CRB1: variants seen among roughly 807,000 people sequenced by gnomAD.
CRB1 encodes the protein protein crumbs homolog 1.
In CRB1, 83 loss-of-function variants were observed where a neutral mutation model predicts 120.0. The ratio of observed to expected loss-of-function variants is 0.69; its 90% CI spans 0.58 to 0.83. The LOEUF is 0.83. Ranked by LOEUF, CRB1 falls within the 40% of genes least tolerant of loss-of-function variation. CRB1 has a pLI of 0.00. For synonymous variants in CRB1, 625 were observed against 612.5 expected (o/e 1.02, Z -0.30); for missense variants, 1,699 against 1,687.6 (o/e 1.01, Z -0.12).
Position 197,438,572 on chromosome 1 carries a change from T to G in CRB1, c.3775T>G (p.Cys1259Gly). The change falls in exon 10 of 12, where the codon TGT becomes GGT. Residue 1259 changes from cysteine to glycine, a missense_variant. Physicochemically the swap from Cys to Gly is radical, Grantham distance 159. Coordinates refer to ENST00000367400, the MANE Select transcript of CRB1 (RefSeq NM_201253.3). ...CRQSRLPSTVCGNEKTNLTCY... is the reference protein window; with the variant it reads ...CRQSRLPSTVGGNEKTNLTCY... Reference sequence around the variant, plus strand: ...ACAGAGCAGATTACCCTCAACAGTCTGTGGGAATGAGAAGACAAATCTCAC... The same window carrying G: ...ACAGAGCAGATTACCCTCAACAGTCGGTGGGAATGAGAAGACAAATCTCAC... 6.2e-7 allele frequency: 1 copy of G among 1,612,710 alleles called. No individual in the cohort carries two copies. The highest frequency in any genetic ancestry group is 8.5e-7 in the Non-Finnish European group (1 of 1,178,936).
intron 2 of CRB1, among the ~76,000 whole-genome samples, chr1:197,342,638 C>T (rs1659536125): frequency 6.6e-6 from 1 of 152,046 alleles, no homozygotes; most frequent in Non-Finnish European, 1.5e-5. Context: ...CCAGTAATGT[C>T]ATTTATATTT....
intron 5 of CRB1, among the ~76,000 whole-genome samples, chr1:197,384,068 G>C (rs1662090194): frequency 6.6e-6 from 1 of 152,130 alleles, no homozygotes; most frequent in African/African-American, 2.4e-5. Flanking sequence ...AGAAAAATTA[G>C]TTACCAACAT....
chr1:197,212,118 A>G, the CRB1 span, among the ~76,000 whole-genome samples: 1 of 152,228 alleles, frequency 6.6e-6, no homozygotes, highest in South Asian at 2.1e-4. Flanking sequence ...GTATAAAGAC[A>G]AACAATATCA....
chr1:197,215,300 G>C, the CRB1 span, among the ~76,000 whole-genome samples: 3 of 137,880 alleles, frequency 2.2e-5, no homozygotes, highest in East Asian at 6.4e-4. Context: ...TTTTTGAGAC[G>C]CAGTTTCACT....
chr1:197,405,442 G>C (rs970711750), intron 5 of CRB1, among the ~76,000 whole-genome samples: 2 of 151,862 alleles, frequency 1.3e-5, no homozygotes, highest in Non-Finnish European at 2.9e-5. Context: ...CCACCTCCCA[G>C]CCGCCTGCCT....
intron 4 of CRB1, among the ~76,000 whole-genome samples, chr1:197,355,880 C>T (rs1660451069): frequency 6.6e-6 from 1 of 152,260 alleles, no homozygotes; most frequent in Admixed American, 6.5e-5. Flanking sequence ...CAAGCGTGGC[C>T]AGAGTGGGTG....
intron 11 of CRB1, among the ~76,000 whole-genome samples, chr1:197,474,268 T>C (rs1170858425): frequency 6.6e-6 from 1 of 152,302 alleles, no homozygotes; most frequent in African/African-American, 2.4e-5. Flanking sequence ...TGAAAATGAG[T>C]TCCTAAGAGG....
chr1:197,404,616 T>C (rs746998129), intron 5 of CRB1, among the ~76,000 whole-genome samples: 4 of 152,234 alleles, frequency 2.6e-5, no homozygotes, highest in Non-Finnish European at 5.9e-5. Flanking sequence ...ATTTTATCTG[T>C]TACTATTGTG....
At chr1:197,466,015 G>A (rs1666735048) in intron 11 of CRB1, among the ~76,000 whole-genome samples, 1 of 152,146 alleles carries the variant, frequency 6.6e-6, no homozygotes, top group Non-Finnish European at 1.5e-5. Flanking sequence ...TCACTTACAT[G>A]AGGGGAAGCC....
chr1:197,338,774 T>C (rs558457045), intron 2 of CRB1, among the ~76,000 whole-genome samples: 3 of 152,136 alleles, frequency 2.0e-5, no homozygotes, highest in Non-Finnish European at 4.4e-5. Flanking sequence ...AATAGTTAAA[T>C]AAAATAATGA....
the CRB1 span, among the ~76,000 whole-genome samples, chr1:197,206,725 A>C: frequency 6.6e-6 from 1 of 152,126 alleles, no homozygotes; most frequent in Non-Finnish European, 1.5e-5. Flanking sequence ...GTTGGGTAGA[A>C]TGTTCTGTAA....
chr1:197,332,292 C>T (rs1392535166), intron 2 of CRB1, among the ~76,000 whole-genome samples: 1 of 152,134 alleles, frequency 6.6e-6, no homozygotes, highest in Non-Finnish European at 1.5e-5. Context: ...CTGTAGGGTC[C>T]AATGGGAATG....
chr1:197,433,575 T>TCTA (rs1236135726), intron 8 of CRB1, among the ~76,000 whole-genome samples: 3 of 152,010 alleles, frequency 2.0e-5, no homozygotes, highest in Non-Finnish European at 4.4e-5. Flanking sequence ...ATAAAATTAG[T>TCTA]AAGTTTTGCT....
chr1:197,239,643 T>C, the CRB1 span, among the ~76,000 whole-genome samples: 2 of 151,874 alleles, frequency 1.3e-5, no homozygotes, highest in African/African-American at 4.8e-5. Context: ...TTTGTAAATC[T>C]GTCTTTTAAT....
intron 11 of CRB1, among the ~76,000 whole-genome samples, chr1:197,455,632 G>A (rs1028175172): frequency 2.0e-5 from 3 of 152,074 alleles, no homozygotes; most frequent in Non-Finnish European, 2.9e-5. Flanking sequence ...GTAGAAGACT[G>A]TAGGAATTTA....
chr1:197,355,337 G>A (rs1228883313), intron 4 of CRB1, among the ~76,000 whole-genome samples: 2 of 152,230 alleles, frequency 1.3e-5, no homozygotes, highest in South Asian at 2.1e-4. Flanking sequence ...GCTTCAGCTA[G>A]TGGATCCCAC....
intron 2 of CRB1, among the ~76,000 whole-genome samples, chr1:197,336,585 A>G (rs1438194798): frequency 6.6e-6 from 1 of 152,216 alleles, no homozygotes; most frequent in African/African-American, 2.4e-5. Context: ...GTTTTTATGA[A>G]TAAATGAAGT....
chr1:197,424,350 A>C (rs1165350825), intron 6 of CRB1, among the ~76,000 whole-genome samples: 1 of 152,174 alleles, frequency 6.6e-6, no homozygotes, highest in African/African-American at 2.4e-5. Context: ...CATGCAAATA[A>C]AAATCTCAAC....
At chr1:197,410,265 A>G (rs1663636363) in intron 5 of CRB1, among the ~76,000 whole-genome samples, 2 of 152,222 alleles carry the variant, frequency 1.3e-5, no homozygotes, top group South Asian at 4.1e-4. Context: ...GTAATGAATG[A>G]TGGATTAAGG....
Sources: allele counts gnomAD v4.1 joint callset (sites outside exome capture counted in the v4.1 genomes callset), GRCh38; gene constraint gnomAD v4.1.1; transcripts MANE v1.5; gene names NCBI Gene and HGNC (gene_info 2026-07-23, HGNC 2026-07-21).